Variants in DENND4A observed in about 807,000 individuals in gnomAD.
DENND4A encodes the protein C-myc promoter-binding protein.
In DENND4A, 70 loss-of-function variants were observed where a neutral mutation model predicts 199.3. The observed-to-expected ratio is 0.35, with a 90% confidence interval of 0.29 to 0.43. The LOEUF (loss-of-function observed/expected upper bound fraction) is 0.43. DENND4A is among the 20% of genes least tolerant of loss of function. The probability of loss-of-function intolerance (pLI) is 1.00; values close to 1 mark genes in which losing one functional copy is unlikely to be tolerated. For synonymous variants in DENND4A, 686 were observed against 766.9 expected (o/e 0.89, Z 1.74); for missense variants, 1,723 against 2,255.8 (o/e 0.76, Z 4.78).
chr15:65,729,293 A>G, intron 10 of DENND4A, 46 bp from the exon 11 acceptor site: 1 of 1,538,720 alleles, frequency 6.5e-7, no homozygotes. Flanking sequence ...TTTAACACTG[A>G]AGCATAATTT....
At chr15:65,733,329 A>T (rs565117378) in intron 7 of DENND4A, among the ~76,000 whole-genome samples, 1 of 152,272 alleles carries the variant, frequency 6.6e-6, no homozygotes, top group Admixed American at 6.5e-5. Flanking sequence ...AAAAAGCTAG[A>T]TCTATGGATT....
At chr15:65,732,534 T>C (rs1163405357) in intron 8 of DENND4A, among the ~76,000 whole-genome samples, 1 of 152,144 alleles carries the variant, frequency 6.6e-6, no homozygotes, top group Non-Finnish European at 1.5e-5. Context: ...TTCAACCTAC[T>C]TCTTTAATTC....
At chr15:65,744,060 A>G (rs1171661610) in intron 4 of DENND4A, among the ~76,000 whole-genome samples, 1 of 152,178 alleles carries the variant, frequency 6.6e-6, no homozygotes, top group African/African-American at 2.4e-5. Context: ...ACTCATAATT[A>G]TTTTGTATCA....
chr15:65,717,799 C>A lies in DENND4A; in HGVS notation c.1786G>T (p.Ala596Ser). The A allele has an allele frequency of 6.2e-7, 1 of 1,604,812 alleles. No individual in the cohort carries two copies. Among genetic ancestry groups the A allele is most frequent in the South Asian group, 1.1e-5 (1 of 89,232 alleles). The part of the protein sequence containing the change: ...QAPSETATDA[A>S]SLFALQAFLR... ...TCACCTTGTAGGGCAAAGAGAGAGG[C>A]TGCATCTGTGGCTGTCTCAGATGGG... is the stretch of plus-strand genomic sequence containing the variant. The change falls in exon 13 of 33, where the codon GCC becomes TCC. Residue 596 changes from alanine to serine, a missense_variant. By Grantham distance (99) the Ala-to-Ser change is moderately conservative. Around this residue, in one of 6 missense-constraint regions of DENND4A, gnomAD observed 725 missense variants for 952.9 expected, o/e 0.76. Transcript: ENST00000443035.
At position 65,690,915 on chromosome 15, in the gene DENND4A, C is replaced by T; in HGVS notation, c.3679G>A (p.Glu1227Lys). 4 of 1,606,382 alleles carry T rather than the reference C, an allele frequency of 2.5e-6. No homozygotes were observed. Among genetic ancestry groups the T allele is most frequent in the Non-Finnish European group, 3.4e-6 (4 of 1,176,162 alleles). The change falls in exon 23 of 33, where the codon GAA becomes AAA. Residue 1227 changes from glutamate (E) to lysine (K), a missense_variant. Transcript: ENST00000443035. Reference sequence around the variant, plus strand: ...TCATCTTCATCCTCCTCCTCTTCTTCTTTTTGCTGCTGTTCAGTCTCAGCA... The same window carrying T: ...TCATCTTCATCCTCCTCCTCTTCTTTTTTTTGCTGCTGTTCAGTCTCAGCA... ...LVAETEQQQK[E>K]EEEEDEDDSK... is the part of the protein sequence containing the mutation.
chr15:65,667,533 C>G lies in DENND4A; in HGVS notation c.5157G>C (p.Leu1719=). 6.2e-7 allele frequency: 1 copy of G among 1,613,892 alleles called. No homozygotes were observed. The highest frequency in any genetic ancestry group is 8.5e-7 in the Non-Finnish European group (1 of 1,179,858). Residue 1719 remains leucine, a synonymous_variant, in exon 29 of 33, where the codon CTG becomes CTC. Coordinates refer to ENST00000443035, the MANE Select transcript of DENND4A (RefSeq NM_001320835.1). ...VDHHPIVFWN[L]VWYFRRLDLP... is the part of the protein sequence containing the mutation. ...AGTCAAGACGTCTGAAATACCATAC[C>G]AGGTTCCAAAAAACAATTGGATGAT...
chr15:65,771,366 C>T, intron 1 of DENND4A: 3 of 1,588,662 alleles, frequency 1.9e-6, no homozygotes, highest in Admixed American at 3.3e-5. Context: ...CTCTTTTCTG[C>T]CTTTTGTAAT....
intron 2 of DENND4A, among the ~76,000 whole-genome samples, chr15:65,758,299 C>T (rs890383962): frequency 5.3e-5 from 8 of 152,106 alleles, no homozygotes; most frequent in Admixed American, 2.0e-4. Context: ...TGTCCGGTAT[C>T]ACTTAATTTT....
chr15:65,742,412 T>C (rs1459774165), intron 4 of DENND4A, among the ~76,000 whole-genome samples: 2 of 151,714 alleles, frequency 1.3e-5, no homozygotes, highest in Non-Finnish European at 2.9e-5. Flanking sequence ...GTCTCCCAAG[T>C]AGCTGGGATT....
chr15:65,772,040 G>C (rs991796880), intron 1 of DENND4A: 3 of 1,344,164 alleles, frequency 2.2e-6, no homozygotes, highest in East Asian at 4.7e-5. Context: ...AGAGCTTCTC[G>C]GCCTTCTGCA....
At chr15:65,762,005 T>G (rs2076862383) in intron 1 of DENND4A, among the ~76,000 whole-genome samples, 2 of 152,146 alleles carry the variant, frequency 1.3e-5, no homozygotes. Flanking sequence ...TTTTTGTTGT[T>G]GTTATTGTTG....
intron 11 of DENND4A, among the ~76,000 whole-genome samples, chr15:65,728,656 T>C (rs368377669): frequency 6.6e-6 from 1 of 151,840 alleles, no homozygotes; most frequent in East Asian, 1.9e-4. Flanking sequence ...GCTAATTTTG[T>C]ATTTTTATTT....
intron 11 of DENND4A, among the ~76,000 whole-genome samples, chr15:65,725,737 T>C (rs1266029996): frequency 6.6e-6 from 1 of 151,898 alleles, no homozygotes; most frequent in Non-Finnish European, 1.5e-5. Context: ...GAGAATAACA[T>C]GAGATAACTT....
intron 23 of DENND4A, among the ~76,000 whole-genome samples, chr15:65,689,320 G>A (rs1596444750): frequency 4.0e-5 from 6 of 151,884 alleles, no homozygotes; most frequent in South Asian, 4.2e-4. Flanking sequence ...GTCTCTTTCC[G>A]TTATCTGCTT....
At chr15:65,740,775 A>G (rs1487352057) in intron 5 of DENND4A, among the ~76,000 whole-genome samples, 2 of 152,048 alleles carry the variant, frequency 1.3e-5, no homozygotes, top group Non-Finnish European at 2.9e-5. Flanking sequence ...AACCTGGGCA[A>G]CCTAAGAAAG....
chr15:65,734,726 T>C (rs1033296276), intron 7 of DENND4A, among the ~76,000 whole-genome samples: 2 of 152,184 alleles, frequency 1.3e-5, no homozygotes, highest in African/African-American at 2.4e-5. Flanking sequence ...AAACAAAGTG[T>C]GATCCAAAAA....
intron 11 of DENND4A, among the ~76,000 whole-genome samples, chr15:65,728,545 G>A (rs558412209): frequency 4.7e-5 from 7 of 148,938 alleles, no homozygotes; most frequent in East Asian, 2.0e-4. Context: ...GTGCAGTGGC[G>A]CGATCTCAGC....
intron 4 of DENND4A, among the ~76,000 whole-genome samples, chr15:65,744,853 T>G: frequency 6.6e-6 from 1 of 152,226 alleles, no homozygotes; most frequent in East Asian, 1.9e-4. Flanking sequence ...AAATGCATTA[T>G]ATACCTGTCA....
intron 15 of DENND4A, among the ~76,000 whole-genome samples, chr15:65,705,182 T>C (rs1419838423): frequency 6.6e-6 from 1 of 152,152 alleles, no homozygotes; most frequent in Admixed American, 6.5e-5. Context: ...TTAATCAACA[T>C]TCATAAACAT....
Sources: allele counts gnomAD v4.1 joint callset (sites outside exome capture counted in the v4.1 genomes callset), GRCh38; gene constraint gnomAD v4.1.1; regional missense constraint gnomAD v4.1.1; transcripts MANE v1.5; gene names NCBI Gene and HGNC (gene_info 2026-07-23, HGNC 2026-07-21).